Variants in INPP5E observed in about 807,000 individuals in gnomAD.
The protein encoded by INPP5E is phosphatidylinositol polyphosphate 5-phosphatase type IV.
INPP5E carries 34 observed loss-of-function variants against 50.5 expected under a neutral mutation model. The observed-to-expected ratio is 0.67, with a 90% CI of 0.51 to 0.90. The LOEUF (loss-of-function observed/expected upper bound fraction) is 0.90, where lower values mean the gene tolerates loss of function less well. Ranked by LOEUF, INPP5E falls within the 40% of genes least tolerant of loss-of-function variation. INPP5E has a pLI of 0.00. For missense variants in INPP5E, 942 were observed against 905.5 expected, an observed-to-expected ratio of 1.04 and a Z score of -0.52; for synonymous variants, 447 against 406.0, an observed-to-expected ratio of 1.10 and a Z score of -1.21.
Position 136,434,123 on chromosome 9 carries a change from G to A in INPP5E, c.948C>T (p.Pro316=). The change falls in exon 3 of 10, where the codon CCC becomes CCT. Residue 316 remains proline (P), a synonymous_variant. Coordinates refer to ENST00000371712, the MANE Select transcript of INPP5E (RefSeq NM_019892.6). ...WNMQGQKELP[P]SLDEFLLPAE... The stretch of plus-strand genomic sequence containing the variant: ...CTGGGAGCAGGAACTCGTCCAGGCT[G>A]GGCGGGAGCTCCTGGAAGGAGGGAG... The A allele has an allele frequency of 6.2e-7, 1 of 1,607,758 alleles. No homozygotes were observed. Among genetic ancestry groups the A allele is most frequent in the Non-Finnish European group, 8.5e-7 (1 of 1,178,602 alleles).
In INPP5E at chr9:136,434,782, G is replaced by A. The variant is rs1315162454; in HGVS notation, c.894C>T (p.Asn298=). 21 of 1,566,166 alleles carry A rather than the reference G, an allele frequency of 1.3e-5. No individual in the cohort carries two copies. Among genetic ancestry groups the A allele is most frequent in the East Asian group, 7.2e-5 (3 of 41,564 alleles). Residue 298 remains asparagine, a synonymous_variant, in exon 2 of 10, where the codon AAC becomes AAT. Coordinates refer to ENST00000371712, the MANE Select transcript of INPP5E (RefSeq NM_019892.6). The part of the protein sequence containing the change: ...DELARYFPDR[N]VALFVATWNM... ...TCCAGGTGGCCACGAAGAGTGCCAC[G>A]TTCCGGTCTGGGAAGTAGCGGGCCA...
At chr9:136,434,333 TTTCCCTCTCCAAGCACGA>T (rs924046791) in intron 2 of INPP5E, among the ~76,000 whole-genome samples, 199 bp from the exon 3 acceptor site, 1 of 152,118 alleles carries the variant, frequency 6.6e-6, no homozygotes, top group African/African-American at 2.4e-5. Context: ...CCTCGGCCTG[TTTCCCTCTCCAAGCACGA>T]GTCTGTCCAA....
At chr9:136,432,136 G>T (rs1156579752) in intron 6 of INPP5E, 151 bp from the exon 7 acceptor site, 1 of 969,814 alleles carries the variant, frequency 1.0e-6, no homozygotes, top group Non-Finnish European at 1.6e-6. Flanking sequence ...ATTCGCACTG[G>T]GACAGTTCCA....
chr9:136,432,813 A>C, intron 5 of INPP5E, 143 bp downstream of exon 5: 1 of 1,175,536 alleles, frequency 8.5e-7, no homozygotes, highest in Non-Finnish European at 1.2e-6. Context: ...CTTGGCGTGC[A>C]TCTTAGCAAG....
rs1401644543 is a variant in INPP5E, at chr9:136,429,118, A to G, written c.*557T>C. The G allele has an allele frequency of 5.3e-6, 1 of 187,396 alleles. No individual in the cohort carries two copies. Among genetic ancestry groups the G allele is most frequent in the Non-Finnish European group, 1.1e-5 (1 of 88,372 alleles). The allele number at this position is 187,396 out of a possible 1,614,324, so 11.6% of individuals were successfully genotyped here. On this transcript the variant is annotated 3_prime_UTR_variant, in exon 10 of 10. Transcript: ENST00000371712. ...GGAGGGGAACCGTGCCACGTCCTGG[A>G]GGCTGTGTGGCTTCCTCAGCTGGGC...
chr9:136,430,983 A>G lies in INPP5E; in HGVS notation c.1665+19T>C. 7 of 1,508,710 alleles carry G rather than the reference A, an allele frequency of 4.6e-6. No homozygotes were observed. The highest frequency in any genetic ancestry group is 5.5e-6 in the Non-Finnish European group (6 of 1,084,696). The allele number at this position is 1,508,710 out of a possible 1,614,324, so 93.5% of individuals were successfully genotyped here. ...CTGCCCTGGAAGCACTCTGCACCGC[A>G]GCGGTGGGCAGGCCTCACCGTGTAT... On this transcript the variant is annotated intron_variant, in intron 8 of 9. Transcript: ENST00000371712.
chr9:136,428,634 T>C lies in INPP5E; in HGVS notation c.*1041A>G, dbSNP rs2131602788. The C allele has an allele frequency of 6.6e-6, 1 of 152,508 alleles. No individual in the cohort carries two copies. The highest frequency in any genetic ancestry group is 1.9e-4 in the East Asian group (1 of 5,238). 9.4% of individuals were successfully genotyped at this position (152,508 alleles called of 1,614,324 possible). The stretch of plus-strand genomic sequence containing the variant: ...CAGAAAGAGATTTTAAGACTCAATA[T>C]ATGCATTTATTTAAAAATATAAATA... On this transcript the variant is annotated 3_prime_UTR_variant, in exon 10 of 10. Transcript: ENST00000371712.
At chr9:136,430,877 G>A (rs993935996) in intron 8 of INPP5E, 125 bp downstream of exon 8, 3 of 733,444 alleles carry the variant, frequency 4.1e-6, no homozygotes, top group South Asian at 3.0e-5. Flanking sequence ...CAAGGCCAAG[G>A]TGCAGAGCTG....
At chr9:136,432,432 G>C (rs1169772830) in intron 6 of INPP5E, 47 bp downstream of exon 6, 2 of 1,328,730 alleles carry the variant, frequency 1.5e-6, no homozygotes, top group Non-Finnish European at 2.1e-6. Context: ...GGGCGCCCGT[G>C]TGCGAACCAC....
Position 136,439,106 on chromosome 9 carries a change from G to A in INPP5E, c.314C>T (p.Ala105Val), listed in dbSNP as rs779751422. Residue 105 changes from alanine to valine, a missense_variant, in exon 1 of 10, where the codon GCC becomes GTC. Ala to Val is a moderately conservative substitution (Grantham distance 64). Transcript: ENST00000371712. ...CCTGGAGGGACTGGTCCCATTCCGG[G>A]CTTCCAGGTCCTCCTGGCTGCCTCG... ...RFRGSQEDLE[A>V]RNGTSPSRGS... 8.8e-6 allele frequency: 14 copies of A among 1,581,954 alleles called. No homozygotes were observed. Among genetic ancestry groups the A allele is most frequent in the East Asian group, 4.6e-5 (2 of 43,388 alleles).
rs773949804 is a variant in INPP5E, at chr9:136,434,072, C to T, written c.999G>A (p.Leu333=). Residue 333 remains leucine (L), a synonymous_variant, in exon 3 of 10, where the codon CTG becomes CTA. Coordinates refer to ENST00000371712, the MANE Select transcript of INPP5E (RefSeq NM_019892.6). Reference sequence around the variant, plus strand: ...AGCCCTCCTGGACCCCGATGACATACAGGTCCTGGGCATAGTCGGCCTCGG... The same window carrying T: ...AGCCCTCCTGGACCCCGATGACATATAGGTCCTGGGCATAGTCGGCCTCGG... ...LPAEADYAQD[L]YVIGVQEGCS... is the part of the protein sequence containing the mutation. 4.3e-6 allele frequency: 7 copies of T among 1,611,080 alleles called. No homozygotes were observed. In the South Asian group the frequency reaches 5.5e-5, roughly 13 times the overall value.
chr9:136,430,407 C>T lies in INPP5E; in HGVS notation c.1672G>A (p.Val558Ile), dbSNP rs1417022247. 6 of 1,555,748 alleles carry T rather than the reference C, an allele frequency of 3.9e-6. No homozygotes were observed. Among genetic ancestry groups the T allele is most frequent in the South Asian group, 2.4e-5 (2 of 84,396 alleles). The change falls in exon 9 of 10, where the codon GTC becomes ATC. Residue 558 changes from valine (V) to isoleucine (I), a missense_variant. Physicochemically the swap from Val to Ile is conservative, Grantham distance 29. Transcript: ENST00000371712. ...CCCTTGTGGCGGCTTCTGTACAAGACGCGGTCCTTTGGGAAGATTGCAGAG... is the reference window on the plus strand; with the variant it reads ...CCCTTGTGGCGGCTTCTGTACAAGATGCGGTCCTTTGGGAAGATTGCAGAG... ...KQRTPSYTDRVLYRSRHKGDI... is the reference protein window; with the variant it reads ...KQRTPSYTDRILYRSRHKGDI...
At chr9:136,430,434 CAGG>C in intron 8 of INPP5E, 21 bp from the exon 9 acceptor site, 1 of 1,553,168 alleles carries the variant, frequency 6.4e-7, no homozygotes, top group Non-Finnish European at 8.7e-7. Flanking sequence ...ATTGCAGAGG[CAGG>C]AGGTCCAGTT....
Position 136,431,943 on chromosome 9 carries a change from T to C in INPP5E, c.1430A>G (p.Asp477Gly). 6.2e-7 allele frequency: 1 copy of C among 1,611,814 alleles called. No homozygotes were observed. The highest frequency in any genetic ancestry group is 8.5e-7 in the Non-Finnish European group (1 of 1,179,724). ...TRFDEVFWFGDFNFRLSGGRT... is the reference protein window; with the variant it reads ...TRFDEVFWFGGFNFRLSGGRT... ...CCCGCCACTCAGGCGGAAGTTGAAG[T>C]CTCCAAACCAGAACACCTCATCGAA... Residue 477 changes from aspartate to glycine, a missense_variant, in exon 7 of 10, where the codon GAC becomes GGC. Physicochemically the swap from Asp to Gly is moderately conservative, Grantham distance 94. Coordinates refer to ENST00000371712, the MANE Select transcript of INPP5E (RefSeq NM_019892.6).
At chr9:136,430,839 GCCGTTCTC>G (rs1835681713) in intron 8 of INPP5E, among the ~76,000 whole-genome samples, 155 bp downstream of exon 8, 2 of 152,048 alleles carry the variant, frequency 1.3e-5, no homozygotes, top group Admixed American at 6.5e-5. Flanking sequence ...TGGAGAGGGC[GCCGTTCTC>G]CACCAAAGGG....
intron 2 of INPP5E, 31 bp downstream of exon 2, chr9:136,434,709 T>TACCCCCCCCC: frequency 1.3e-6 from 2 of 1,576,296 alleles, no homozygotes; most frequent in Non-Finnish European, 8.6e-7. Context: ...ACCCCACCCT[T>TACCCCCCCCC]CCCCGCCCAG....
In INPP5E at chr9:136,439,291, C is replaced by G. The variant is rs1460740661; in HGVS notation, c.129G>C (p.Pro43=). ...AGGCAAGCGCGGGGCTCTCGGAGCC[C>G]GGAGCATCGGGTGGGGACCCCGCGC... ...AQRAGSPPDA[P]GSESPALACS... Residue 43 remains proline (P), a synonymous_variant, in exon 1 of 10, where the codon CCG becomes CCC. Transcript: ENST00000371712. 6.9e-7 allele frequency: 1 copy of G among 1,443,800 alleles called. No individual in the cohort carries two copies. The highest frequency in any genetic ancestry group is 1.5e-5 in the African/African-American group (1 of 67,282). 89.4% of individuals were successfully genotyped at this position (1,443,800 alleles called of 1,614,324 possible).
At chr9:136,434,240 G>A (rs1835779458) in intron 2 of INPP5E, 106 bp from the exon 3 acceptor site, 1 of 804,900 alleles carries the variant, frequency 1.2e-6, no homozygotes, top group Non-Finnish European at 2.1e-6. Flanking sequence ...CTCCGAATGA[G>A]GGGAAACTGA....
intron 3 of INPP5E, 71 bp downstream of exon 3, chr9:136,433,966 G>C: frequency 1.6e-6 from 2 of 1,240,974 alleles, no homozygotes; most frequent in Non-Finnish European, 2.3e-6. Flanking sequence ...CATGACCACA[G>C]GTCTCAGCAC....
Sources: gnomAD v4.1 joint callset for allele counts (sites outside exome capture counted in the v4.1 genomes callset) on GRCh38, gnomAD v4.1.1 for gene constraint, MANE v1.5 for transcripts, NCBI Gene and HGNC (gene_info 2026-07-23, HGNC 2026-07-21) for gene names.